The following SLCO5A1 variants were observed in gnomAD, a reference collection of about 807,000 sequenced individuals.
SLCO5A1 encodes the protein solute carrier organic anion transporter family member 5A1, also known as organic anion transporter polypeptide-related protein 4.
SLCO5A1 carries 39 observed loss-of-function variants against 65.1 expected under a neutral mutation model. The observed-to-expected ratio is 0.60, with a 90% CI of 0.46 to 0.78. The LOEUF (loss-of-function observed/expected upper bound fraction) is 0.78. SLCO5A1 is among the 30% of genes least tolerant of loss of function. The probability of loss-of-function intolerance (pLI) is 0.00; values close to 1 mark genes in which losing one functional copy is unlikely to be tolerated. For missense variants in SLCO5A1, 1,029 were observed against 1,069.4 expected (o/e 0.96, Z 0.53); for synonymous variants, 438 against 415.7 (o/e 1.05, Z -0.65).
At chr8:69,763,042 G>T (rs1362994607) in intron 2 of SLCO5A1, among the ~76,000 whole-genome samples, 1 of 152,188 alleles carries the variant, frequency 6.6e-6, no homozygotes, top group African/African-American at 2.4e-5. Flanking sequence ...AGGCACGGTG[G>T]GTCACGCCTG....
At chr8:69,809,733 G>GGTGTGTGTGTGTGTGT (rs111791623) in intron 2 of SLCO5A1, among the ~76,000 whole-genome samples, 1 of 149,190 alleles carries the variant, frequency 6.7e-6, no homozygotes, top group South Asian at 2.1e-4. Context: ...TAAGGAGTGT[G>GGTGTGTGTGTGTGTGT]GTGTGTGTGT....
At chr8:69,822,985 C>G (rs1168432012) in intron 2 of SLCO5A1, among the ~76,000 whole-genome samples, 2 of 152,194 alleles carry the variant, frequency 1.3e-5, no homozygotes, top group Non-Finnish European at 2.9e-5. Context: ...ATGGCTGAAC[C>G]ATGCCAATCA....
At chr8:69,810,153 C>T (rs531906122) in intron 2 of SLCO5A1, among the ~76,000 whole-genome samples, 36 of 152,254 alleles carry the variant, frequency 2.4e-4, no homozygotes, top group African/African-American at 7.9e-4. Context: ...GAGGAGGCAC[C>T]GCATTTAGTG....
intron 2 of SLCO5A1, among the ~76,000 whole-genome samples, chr8:69,808,477 G>A (rs540365147): frequency 3.3e-5 from 5 of 152,204 alleles, no homozygotes; most frequent in South Asian, 4.1e-4. Flanking sequence ...CTCCATCCAC[G>A]TTCCTGCAAA....
At chr8:69,728,128 A>G (rs1020584007) in intron 5 of SLCO5A1, among the ~76,000 whole-genome samples, 2 of 152,214 alleles carry the variant, frequency 1.3e-5, no homozygotes, top group Non-Finnish European at 2.9e-5. Flanking sequence ...TCTAGACTGT[A>G]TGGTACAGAA....
chr8:69,815,664 ACACACACAC>A (rs1357694862), intron 2 of SLCO5A1, among the ~76,000 whole-genome samples: 1 of 151,658 alleles, frequency 6.6e-6, no homozygotes, highest in East Asian at 1.9e-4. Flanking sequence ...ACACACACAC[ACACACACAC>A]ACACACACAC....
chr8:69,690,807 C>T (rs1239481070), intron 6 of SLCO5A1, among the ~76,000 whole-genome samples: 1 of 152,128 alleles, frequency 6.6e-6, no homozygotes, highest in African/African-American at 2.4e-5. Context: ...CATTTGGTAG[C>T]TCAAGAATCA....
At position 69,832,160 on chromosome 8, in the gene SLCO5A1, T is replaced by C. The variant is rs1821183800; in HGVS notation, c.514A>G (p.Ser172Gly). The C allele has an allele frequency of 1.9e-6, 3 of 1,614,194 alleles. No homozygotes were observed. The East Asian group carries it at 6.7e-5, about 36-fold the overall frequency. The change falls in exon 2 of 10, where the codon AGC (serine) becomes GGC (glycine). Residue 172 changes from serine (S) to glycine (G), a missense_variant. Ser to Gly is a moderately conservative substitution (Grantham distance 56). Transcript: ENST00000260126. The surrounding 1 kb of genome is among the most constrained non-coding windows in gnomAD (Gnocchi z 4.5). The stretch of plus-strand genomic sequence containing the variant: ...ACCAGGTTCCCGATGTCAAAGCAGC[T>C]GACCAGCAGCCCCGACTCGGAACTC... ...LKSSESGLLV[S>G]CFDIGNLVVV...
In SLCO5A1 at chr8:69,832,599, T is replaced by C. The variant is rs2130932197; in HGVS notation, c.75A>G (p.Gln25=). ...TGAGGGTCTCCGGCTCGCACCTCTCTTGGACAGCTTCTGCAGTGGCCGGCG... is the reference window on the plus strand; with the variant it reads ...TGAGGGTCTCCGGCTCGCACCTCTCCTGGACAGCTTCTGCAGTGGCCGGCG... ...LEAPATAEAV[Q]ERCEPETLRS... is the part of the protein sequence containing the mutation. The change falls in exon 2 of 10, where the codon CAA becomes CAG. Residue 25 remains glutamine (Q), a synonymous_variant. Coordinates refer to ENST00000260126, the MANE Select transcript of SLCO5A1 (RefSeq NM_030958.3). This position sits in a 1 kb window ranked among gnomAD's most constrained non-coding sequence, Gnocchi z 4.5. The C allele has an allele frequency of 3.1e-6, 5 of 1,612,494 alleles. No homozygotes were observed. Among genetic ancestry groups the C allele is most frequent in the Non-Finnish European group, 2.5e-6 (3 of 1,179,832 alleles).
intron 2 of SLCO5A1, among the ~76,000 whole-genome samples, chr8:69,821,713 G>A (rs952484631): frequency 2.6e-5 from 4 of 151,386 alleles, no homozygotes; most frequent in African/African-American, 9.7e-5. Context: ...GCTAAGGTGG[G>A]AGAAACACCT....
At chr8:69,711,425 G>T (rs1388671445) in intron 5 of SLCO5A1, among the ~76,000 whole-genome samples, 1 of 152,184 alleles carries the variant, frequency 6.6e-6, no homozygotes, top group African/African-American at 2.4e-5. Context: ...CAAGACCTGG[G>T]GAGCGCAGGA....
intron 2 of SLCO5A1, among the ~76,000 whole-genome samples, chr8:69,830,421 G>A (rs73684316): frequency 0.014 from 2,111 of 152,204 alleles, 44 homozygotes; most frequent in African/African-American, 0.047. Flanking sequence ...TCAAGTCCCT[G>A]GGTTCAAGCA....
Position 69,761,742 on chromosome 8 carries a change from C to T in SLCO5A1, c.1040+1G>A, listed in dbSNP as rs750192477. 2 of 1,612,926 alleles carry T rather than the reference C, an allele frequency of 1.2e-6. No individual in the cohort carries two copies. The highest frequency in any genetic ancestry group is 1.7e-6 in the Non-Finnish European group (2 of 1,179,774). On this transcript the variant is annotated splice_donor_variant, in intron 3 of 9. Coordinates refer to ENST00000260126, the MANE Select transcript of SLCO5A1 (RefSeq NM_030958.3). LOFTEE classifies it high-confidence loss of function. ...TTTAAAAATTAGAAAACAGAACTTACCAGTTTCCAATGAAACGAGGGTCAT... is the reference window on the plus strand; with the variant it reads ...TTTAAAAATTAGAAAACAGAACTTATCAGTTTCCAATGAAACGAGGGTCAT...
chr8:69,778,749 A>G (rs1229653295), intron 2 of SLCO5A1, among the ~76,000 whole-genome samples: 3 of 152,198 alleles, frequency 2.0e-5, no homozygotes, highest in Non-Finnish European at 4.4e-5. Flanking sequence ...GAAGGCCTTT[A>G]CAGGACAATG....
intron 4 of SLCO5A1, among the ~76,000 whole-genome samples, chr8:69,749,775 A>G (rs574022296): frequency 1.7e-4 from 26 of 152,016 alleles, no homozygotes; most frequent in Non-Finnish European, 2.2e-4. Flanking sequence ...CATGGAGCTT[A>G]CTTTCTCATT....
chr8:69,765,388 A>T (rs866772291), intron 2 of SLCO5A1, among the ~76,000 whole-genome samples: 2 of 150,298 alleles, frequency 1.3e-5, no homozygotes, highest in African/African-American at 4.9e-5. Context: ...ATGAGTATTT[A>T]TATATATATA....
At chr8:69,782,880 C>T (rs1818858015) in intron 2 of SLCO5A1, among the ~76,000 whole-genome samples, 1 of 152,146 alleles carries the variant, frequency 6.6e-6, no homozygotes, top group South Asian at 2.1e-4. Context: ...TGACTCAACT[C>T]ATATTCAAGA....
At chr8:69,701,449 T>C (rs1586700472) in intron 6 of SLCO5A1, among the ~76,000 whole-genome samples, 4 of 152,258 alleles carry the variant, frequency 2.6e-5, no homozygotes, top group Admixed American at 2.6e-4. Context: ...AACACAGACT[T>C]GAAATCTGAT....
At chr8:69,687,062 C>T (rs1302716080) in intron 6 of SLCO5A1, among the ~76,000 whole-genome samples, 1 of 152,164 alleles carries the variant, frequency 6.6e-6, no homozygotes, top group Non-Finnish European at 1.5e-5. Context: ...CCGCACTTAA[C>T]AGAAGCATGA....
Sources: gnomAD v4.1 joint callset for allele counts (sites outside exome capture counted in the v4.1 genomes callset) on GRCh38, gnomAD v4.1.1 for gene constraint, Gnocchi (gnomAD v3.1) non-coding constraint, MANE v1.5 for transcripts, NCBI Gene and HGNC (gene_info 2026-07-23, HGNC 2026-07-21) for gene names.